Variants in CFDP1 observed in about 807,000 individuals in gnomAD.
The protein encoded by CFDP1 is heterochromatin-stabilizing protein CFDP1.
A neutral mutation model predicts 40.1 loss-of-function variants in CFDP1; 31 were observed. The observed-to-expected ratio is 0.77, with a 90% CI of 0.58 to 1.04. CFDP1 has a LOEUF of 1.04. Among genes scored for constraint, CFDP1 ranks in the 50% least tolerant of loss-of-function variants. The probability of loss-of-function intolerance (pLI) is 0.00; values close to 1 mark genes in which losing one functional copy is unlikely to be tolerated. For synonymous variants in CFDP1, 167 were observed against 120.0 expected (o/e 1.39, Z -2.56); for missense variants, 423 against 343.4 (o/e 1.23, Z -1.83).
chr16:75,412,376 A>G (rs1015867714), intron 3 of CFDP1, among the ~76,000 whole-genome samples, 159 bp downstream of exon 3: 1 of 152,222 alleles, frequency 6.6e-6, no homozygotes, highest in Non-Finnish European at 1.5e-5. Context: ...GGAAACTTAC[A>G]TGATTAGAGA....
intron 5 of CFDP1, among the ~76,000 whole-genome samples, chr16:75,310,199 G>A (rs1048593501): frequency 2.0e-5 from 3 of 152,224 alleles, no homozygotes; most frequent in African/African-American, 7.2e-5. Flanking sequence ...TTCAAGGAGT[G>A]TGGACTTTGC....
chr16:75,391,204 A>G (rs145754688), intron 5 of CFDP1: 1 of 152,334 alleles, frequency 6.6e-6, no homozygotes, highest in East Asian at 1.9e-4. Flanking sequence ...AACAGGGATT[A>G]TTTTAAGAAG....
chr16:75,344,043 T>A (rs2078545184), intron 5 of CFDP1, among the ~76,000 whole-genome samples: 2 of 152,184 alleles, frequency 1.3e-5, no homozygotes, highest in Admixed American at 1.3e-4. Context: ...CACGAATAAT[T>A]TTAGAGGTCT....
intron 5 of CFDP1, among the ~76,000 whole-genome samples, chr16:75,327,555 G>C (rs1463441408): frequency 1.3e-5 from 2 of 152,090 alleles, no homozygotes; most frequent in East Asian, 3.9e-4. Flanking sequence ...AGAGTATTCA[G>C]AAGGATTTTA....
Position 75,305,117 on chromosome 16 carries a change from C to G in CFDP1, c.716G>C (p.Ser239Thr). 6.2e-7 allele frequency: 1 copy of G among 1,614,144 alleles called. No homozygotes were observed. Among genetic ancestry groups the G allele is most frequent in the Non-Finnish European group, 8.5e-7 (1 of 1,180,000 alleles). ...GTCCAGTTTGGACTTCTCAAGGGTG[C>G]TCATTTTCTGCTTCTTGGCACCAAT... ...GKIGAKKQKM[S>T]TLEKSKLDWE... Residue 239 changes from serine (S) to threonine (T), a missense_variant, in exon 6 of 7, where the codon AGC (serine) becomes ACC (threonine). By Grantham distance (58) the Ser-to-Thr change is moderately conservative. Coordinates refer to ENST00000283882, the MANE Select transcript of CFDP1 (RefSeq NM_006324.3).
At chr16:75,431,454 CAAAAAAAAA>C (rs60902612) in intron 1 of CFDP1, among the ~76,000 whole-genome samples, 18 of 59,598 alleles carry the variant, frequency 3.0e-4, no homozygotes, top group South Asian at 7.8e-4. Flanking sequence ...ACTCTTGTCT[CAAAAAAAAA>C]AAAAAAAAAA....
intron 5 of CFDP1, among the ~76,000 whole-genome samples, chr16:75,313,658 G>A (rs977439791): frequency 2.6e-5 from 4 of 152,310 alleles, no homozygotes; most frequent in Non-Finnish European, 5.9e-5. Flanking sequence ...TAAGGTGTGC[G>A]AATGTTCATT....
chr16:75,349,650 CAAAAAAAAAAAAAAAAAAAAAAAAAA>C (rs61472076), intron 5 of CFDP1, among the ~76,000 whole-genome samples: 1 of 23,244 alleles, frequency 4.3e-5, no homozygotes, highest in African/African-American at 1.3e-4. Context: ...GACTCCGTCT[CAAAAAAAAAAAAAAAAAAAAAAAAAA>C]AAAAAAAAAA....
chr16:75,308,838 T>C (rs994703598), intron 5 of CFDP1, among the ~76,000 whole-genome samples: 4 of 152,158 alleles, frequency 2.6e-5, no homozygotes, highest in Non-Finnish European at 5.9e-5. Flanking sequence ...TATGAGAAAC[T>C]TGATTTTTTG....
chr16:75,392,804 A>G (rs1011226372), intron 5 of CFDP1, among the ~76,000 whole-genome samples: 1 of 152,210 alleles, frequency 6.6e-6, no homozygotes, highest in Non-Finnish European at 1.5e-5. Flanking sequence ...GTACTTGCTT[A>G]GAGTATTAAC....
At chr16:75,347,471 ACAT>A (rs1249039662) in intron 5 of CFDP1, among the ~76,000 whole-genome samples, 1 of 152,052 alleles carries the variant, frequency 6.6e-6, no homozygotes, top group African/African-American at 2.4e-5. Context: ...CGAGGTCAAG[ACAT>A]CGAGACCATC....
intron 5 of CFDP1, among the ~76,000 whole-genome samples, chr16:75,315,154 G>A (rs758138900): frequency 2.0e-5 from 3 of 151,874 alleles, no homozygotes; most frequent in Admixed American, 6.6e-5. Flanking sequence ...CAGCCTGGGC[G>A]ACATGGCAAA....
intron 5 of CFDP1, among the ~76,000 whole-genome samples, chr16:75,338,598 C>G (rs1214549573): frequency 6.6e-6 from 1 of 152,158 alleles, no homozygotes. Context: ...TGAGAGCGTG[C>G]AGCTGCTCAC....
rs2078556890 is a variant in CFDP1 at position 75,345,524 on chromosome 16, A to G, written c.651-40342T>C. ...ATGGTGGCTATGCATCTGTAGTCCC[A>G]GCTACTTAAGAGGCTGAGCAAGAGG... On this transcript the variant is annotated intron_variant, in intron 5 of 6. Coordinates refer to ENST00000283882, the MANE Select transcript of CFDP1 (RefSeq NM_006324.3). Among the ~76,000 whole-genome samples the G allele has an allele frequency of 2.6e-5, 4 of 152,278 alleles. No individual in the cohort carries two copies. The South Asian group carries it at 8.3e-4, about 32-fold the overall frequency.
chr16:75,400,133 T>C (rs1334789844), intron 4 of CFDP1, among the ~76,000 whole-genome samples: 4 of 115,210 alleles, frequency 3.5e-5, no homozygotes, highest in African/African-American at 7.2e-5. Flanking sequence ...AAAAAAAAAA[T>C]CAGCCAGGCA....
intron 5 of CFDP1, among the ~76,000 whole-genome samples, chr16:75,348,067 CTG>C (rs1484997939): frequency 6.6e-6 from 1 of 152,164 alleles, no homozygotes; most frequent in East Asian, 1.9e-4. Context: ...AGTGGGAAAA[CTG>C]TCAAAATCTG....
intron 5 of CFDP1, among the ~76,000 whole-genome samples, chr16:75,356,992 C>A (rs1402589975): frequency 6.7e-6 from 1 of 148,986 alleles, no homozygotes; most frequent in Non-Finnish European, 1.5e-5. Flanking sequence ...TGACTCACTG[C>A]AACCTCCGCC....
chr16:75,398,144 A>G (rs2079013420), intron 4 of CFDP1, among the ~76,000 whole-genome samples: 1 of 152,238 alleles, frequency 6.6e-6, no homozygotes, highest in African/African-American at 2.4e-5. Flanking sequence ...CAACAAGTAA[A>G]TGCTTATCAT....
chr16:75,394,657 G>GATTT, intron 5 of CFDP1: 1 of 58,570 alleles, frequency 1.7e-5, no homozygotes, highest in East Asian at 6.2e-4. Context: ...AATTTTCTTC[G>GATTT]CTTTTTTTTT....
Sources: allele counts gnomAD v4.1 joint callset (sites outside exome capture counted in the v4.1 genomes callset), GRCh38; gene constraint gnomAD v4.1.1; transcripts MANE v1.5; gene names NCBI Gene and HGNC (gene_info 2026-07-23, HGNC 2026-07-21).